AGO2: variants seen among roughly 807,000 people sequenced by gnomAD.
AGO2 encodes the protein argonaute RISC catalytic component 2, also known as protein argonaute-2.
AGO2 carries 5 observed loss-of-function variants against 102.3 expected under a neutral mutation model. The ratio of observed to expected loss-of-function variants is 0.05; its 90% confidence interval spans 0.03 to 0.10. The LOEUF is 0.10. Among genes scored for constraint, AGO2 ranks in the 10% least tolerant of loss-of-function variants. The probability of loss-of-function intolerance (pLI) is 1.00; values close to 1 mark genes in which losing one functional copy is unlikely to be tolerated. For missense variants in AGO2, 541 were observed against 1,183.7 expected (o/e 0.46, Z 7.97); for synonymous variants, 449 against 473.1 (o/e 0.95, Z 0.66).
At chr8:140,544,725 G>A (rs1281171606) in intron 13 of AGO2, among the ~76,000 whole-genome samples, 1 of 152,206 alleles carries the variant, frequency 6.6e-6, no homozygotes, top group Non-Finnish European at 1.5e-5. Flanking sequence ...CCCAGCATGG[G>A]CAGACGCTGA....
chr8:140,638,929 G>C (rs892349345), upstream of AGO2, among the ~76,000 whole-genome samples: 1 of 152,118 alleles, frequency 6.6e-6, no homozygotes, highest in Non-Finnish European at 1.5e-5. Context: ...TATTGCCCAT[G>C]CTGGAGTGCA....
intron 4 of AGO2, among the ~76,000 whole-genome samples, chr8:140,561,040 C>T (rs1300917706): frequency 1.3e-5 from 2 of 152,248 alleles, no homozygotes; most frequent in Non-Finnish European, 2.9e-5. Context: ...TCCGAGGCCC[C>T]GGAGCTGCCC....
At chr8:140,548,013 C>A (rs2072931980) in intron 12 of AGO2, among the ~76,000 whole-genome samples, 2 of 152,186 alleles carry the variant, frequency 1.3e-5, no homozygotes, top group African/African-American at 4.8e-5. Context: ...TGGCTCCCTG[C>A]TTAGGAAGGC....
intron 1 of AGO2, among the ~76,000 whole-genome samples, chr8:140,594,343 T>C (rs1281025810): frequency 1.3e-5 from 2 of 152,242 alleles, no homozygotes; most frequent in Non-Finnish European, 2.9e-5. Context: ...TGTAAATAGA[T>C]AGTATTTTTA....
chr8:140,566,621 G>A (rs2977458), intron 3 of AGO2, among the ~76,000 whole-genome samples: 7 of 148,100 alleles, frequency 4.7e-5, no homozygotes, highest in East Asian at 2.0e-4. Context: ...TTTTTTTTGG[G>A]GGGGGGGAAG....
chr8:140,626,075 C>T (rs1234650485), intron 1 of AGO2, among the ~76,000 whole-genome samples: 2 of 151,794 alleles, frequency 1.3e-5, no homozygotes, highest in South Asian at 2.1e-4. Flanking sequence ...ATGGGCAGCA[C>T]GTGGCCTTCT....
chr8:140,549,066 C>A, intron 12 of AGO2, 48 bp downstream of exon 12: 1 of 1,547,312 alleles, frequency 6.5e-7, no homozygotes. Context: ...CAAACACCCA[C>A]GGAGACCACG....
At chr8:140,533,039 T>C (rs2977462) in intron 17 of AGO2, among the ~76,000 whole-genome samples, 73,548 of 149,186 alleles carry the variant, frequency 0.49, 18,244 homozygotes, top group African/African-American at 0.57. Flanking sequence ...ATATAGTAAA[T>C]GGCCCCATAT....
chr8:140,543,521 T>C (rs1286406479), intron 14 of AGO2, among the ~76,000 whole-genome samples: 1 of 152,174 alleles, frequency 6.6e-6, no homozygotes. Flanking sequence ...AGCGGCGCAA[T>C]CTCTTCTCAC....
At chr8:140,599,425 T>A (rs990901136) in intron 1 of AGO2, among the ~76,000 whole-genome samples, 2 of 152,128 alleles carry the variant, frequency 1.3e-5, no homozygotes, top group Non-Finnish European at 2.9e-5. Context: ...CAACGTCTTT[T>A]GTGATGATGA....
intron 1 of AGO2, chr8:140,592,083 G>T (rs2073753999): frequency 6.6e-6 from 1 of 150,822 alleles, no homozygotes. Context: ...TCGCACCCTT[G>T]TACTCCTGCC....
chr8:140,611,018 G>C (rs1251957421), intron 1 of AGO2, among the ~76,000 whole-genome samples: 1 of 152,230 alleles, frequency 6.6e-6, no homozygotes, highest in East Asian at 1.9e-4. Flanking sequence ...GATCATTCGA[G>C]AGTTAAACAG....
chr8:140,542,826 T>C (rs1201014703), intron 14 of AGO2, among the ~76,000 whole-genome samples: 1 of 152,070 alleles, frequency 6.6e-6, no homozygotes, highest in East Asian at 1.9e-4. Flanking sequence ...TGCTTCCCCA[T>C]CAGAGGAAAG....
chr8:140,627,706 G>A (rs1487341557), intron 1 of AGO2, among the ~76,000 whole-genome samples: 1 of 152,146 alleles, frequency 6.6e-6, no homozygotes, highest in Non-Finnish European at 1.5e-5. Flanking sequence ...ATTTACTGAA[G>A]CCCCAGTAAT....
intron 1 of AGO2, among the ~76,000 whole-genome samples, chr8:140,631,225 G>A (rs958543807): frequency 6.6e-6 from 1 of 152,176 alleles, no homozygotes; most frequent in African/African-American, 2.4e-5. Context: ...GGGGAGGCAC[G>A]AATGCTCTGA....
At chr8:140,566,708 G>A (rs1246483970) in intron 3 of AGO2, among the ~76,000 whole-genome samples, 1 of 151,984 alleles carries the variant, frequency 6.6e-6, no homozygotes. Flanking sequence ...AGGAAGCAGA[G>A]GGGCGAGTGC....
intron 1 of AGO2, among the ~76,000 whole-genome samples, chr8:140,635,153 C>T (rs1351324288): frequency 6.8e-6 from 1 of 146,470 alleles, no homozygotes; most frequent in Non-Finnish European, 1.5e-5. Flanking sequence ...CCGGCCCCAG[C>T]CCGCGGGCCC....
At chr8:140,570,712 T>TC (rs1372800679) in intron 3 of AGO2, among the ~76,000 whole-genome samples, 2 of 152,132 alleles carry the variant, frequency 1.3e-5, no homozygotes, top group African/African-American at 2.4e-5. Flanking sequence ...TTGCCATCTC[T>TC]CCGTTTTACA....
chr8:140,537,341 A>T (rs1447968937), intron 16 of AGO2, among the ~76,000 whole-genome samples: 9 of 150,494 alleles, frequency 6.0e-5, no homozygotes, highest in African/African-American at 2.0e-4. Context: ...TTTTTTTTTA[A>T]GACAGGTCGG....
Sources: gnomAD v4.1 joint callset for allele counts (sites outside exome capture counted in the v4.1 genomes callset) on GRCh38, gnomAD v4.1.1 for gene constraint, MANE v1.5 for transcripts, NCBI Gene and HGNC (gene_info 2026-07-23, HGNC 2026-07-21) for gene names.